Variants in PPP2R5E observed in about 807,000 individuals in gnomAD.
The protein encoded by PPP2R5E is protein phosphatase 2 regulatory subunit B'epsilon.
In PPP2R5E, 4 loss-of-function variants were observed where a neutral mutation model predicts 65.3. The ratio of observed to expected loss-of-function variants is 0.06; its 90% CI spans 0.03 to 0.14. PPP2R5E has a LOEUF of 0.14. Ranked by LOEUF, PPP2R5E falls within the 10% of genes least tolerant of loss-of-function variation. PPP2R5E has a pLI of 1.00. For missense variants in PPP2R5E, 274 were observed against 556.1 expected, an observed-to-expected ratio of 0.49 and a Z score of 5.10; for synonymous variants, 183 against 187.4, an observed-to-expected ratio of 0.98 and a Z score of 0.19.
At chr14:63,436,663 C>T (rs1887966470) in intron 3 of PPP2R5E, among the ~76,000 whole-genome samples, 1 of 152,210 alleles carries the variant, frequency 6.6e-6, no homozygotes, top group African/African-American at 2.4e-5. Flanking sequence ...TGATATGCCA[C>T]TCCAGGGGAA....
chr14:63,434,615 T>C (rs1367322089), intron 3 of PPP2R5E, among the ~76,000 whole-genome samples: 1 of 152,228 alleles, frequency 6.6e-6, no homozygotes, highest in African/African-American at 2.4e-5. Context: ...CCTTAATTTC[T>C]TTACTTCCAG....
chr14:63,429,755 C>T (rs1887527160), intron 3 of PPP2R5E, among the ~76,000 whole-genome samples: 1 of 151,932 alleles, frequency 6.6e-6, no homozygotes, highest in Non-Finnish European at 1.5e-5. Flanking sequence ...ACCATCTTGG[C>T]TCACTGCAAC....
chr14:63,505,672 CA>C (rs1327355224), intron 2 of PPP2R5E, among the ~76,000 whole-genome samples: 1 of 152,170 alleles, frequency 6.6e-6, no homozygotes, highest in African/African-American at 2.4e-5. Context: ...AATTGAAGAC[CA>C]ACAATCTGGA....
At chr14:63,405,718 G>C (rs1224896915) in intron 5 of PPP2R5E, among the ~76,000 whole-genome samples, 1 of 152,110 alleles carries the variant, frequency 6.6e-6, no homozygotes, top group Non-Finnish European at 1.5e-5. Flanking sequence ...ATTCATTTAG[G>C]TCTAAAGAAG....
chr14:63,497,716 C>T (rs1891643992), intron 2 of PPP2R5E, among the ~76,000 whole-genome samples: 1 of 151,900 alleles, frequency 6.6e-6, no homozygotes, highest in South Asian at 2.1e-4. Flanking sequence ...CCAGTGTGCT[C>T]CAGCCTGGGC....
At chr14:63,424,435 T>G (rs549504842) in intron 3 of PPP2R5E, among the ~76,000 whole-genome samples, 21 of 151,906 alleles carry the variant, frequency 1.4e-4, no homozygotes, top group Non-Finnish European at 2.2e-4. Flanking sequence ...AGGGATCACC[T>G]TGGAAAGGAG....
intron 5 of PPP2R5E, among the ~76,000 whole-genome samples, chr14:63,397,270 G>A (rs1885450324): frequency 6.6e-6 from 1 of 152,190 alleles, no homozygotes; most frequent in Non-Finnish European, 1.5e-5. Flanking sequence ...GGGAGGCCAA[G>A]GCAGGCGCAT....
At chr14:63,502,961 C>T (rs1221396141) in intron 2 of PPP2R5E, among the ~76,000 whole-genome samples, 2 of 152,148 alleles carry the variant, frequency 1.3e-5, no homozygotes, top group African/African-American at 4.8e-5. Flanking sequence ...GAAACCTCAT[C>T]TCAGAAACAA....
At chr14:63,456,160 T>G (rs879395706) in intron 2 of PPP2R5E, among the ~76,000 whole-genome samples, 2 of 152,244 alleles carry the variant, frequency 1.3e-5, no homozygotes, top group African/African-American at 4.8e-5. Flanking sequence ...TTTAATAAAG[T>G]CTAAAAATCA....
At chr14:63,411,462 T>C (rs1363439176) in intron 5 of PPP2R5E, among the ~76,000 whole-genome samples, 1 of 151,878 alleles carries the variant, frequency 6.6e-6, no homozygotes, top group African/African-American at 2.4e-5. Context: ...CATGGATATA[T>C]TGCATTGATA....
chr14:63,375,083 T>G lies in PPP2R5E; in HGVS notation c.*926A>C, dbSNP rs1054869094. 10 of 152,584 alleles carry G rather than the reference T, an allele frequency of 6.6e-5. No homozygotes were observed. The highest frequency in any genetic ancestry group is 1.2e-4 in the African/African-American group (5 of 41,426). The allele number at this position is 152,584 out of a possible 1,614,324, so 9.5% of individuals were successfully genotyped here. On this transcript the variant is annotated 3_prime_UTR_variant, in exon 14 of 14. Transcript: ENST00000337537. The stretch of plus-strand genomic sequence containing the variant: ...CTGTTTGCTCAACTCTTTTCCCAAT[T>G]AGATTTGCAATCCCGGTGATCAATT...
chr14:63,522,899 G>A (rs1253545859), intron 2 of PPP2R5E, among the ~76,000 whole-genome samples: 1 of 148,068 alleles, frequency 6.8e-6, no homozygotes, highest in African/African-American at 2.5e-5. Context: ...GCCCCGTCCG[G>A]GAGGGAGGTC....
rs147820728 is a variant in PPP2R5E at position 63,423,833 on chromosome 14, A to C, written c.355-1739T>G. Among the ~76,000 whole-genome samples, 12 of 152,348 alleles carry C rather than the reference A, an allele frequency of 7.9e-5. 1 individual carries two copies. Among genetic ancestry groups the C allele is most frequent in the Non-Finnish European group, 1.6e-4 (11 of 68,020 alleles). ...CAGATAAAAACCCATGCCCTCATGG[A>C]ACTTACTATATTCTAGTTAAAGCCA... On this transcript the variant is annotated intron_variant, in intron 3 of 13. Coordinates refer to ENST00000337537, the MANE Select transcript of PPP2R5E (RefSeq NM_006246.5).
chr14:63,468,772 T>G (rs1446633049), intron 2 of PPP2R5E, among the ~76,000 whole-genome samples: 2 of 152,208 alleles, frequency 1.3e-5, no homozygotes, highest in African/African-American at 4.8e-5. Context: ...ATATTAATAC[T>G]TATATATACT....
chr14:63,408,830 C>T (rs964775593), intron 5 of PPP2R5E, among the ~76,000 whole-genome samples: 2 of 152,192 alleles, frequency 1.3e-5, no homozygotes, highest in South Asian at 2.1e-4. Context: ...GGCACAGTGA[C>T]TCGCCTGTAT....
intron 2 of PPP2R5E, among the ~76,000 whole-genome samples, chr14:63,534,056 T>C (rs1255784): frequency 0.23 from 34,741 of 152,110 alleles, 5,478 homozygotes; most frequent in African/African-American, 0.45. Flanking sequence ...CTTACAGAAT[T>C]GCTTAAAGTC....
At chr14:63,512,755 C>T (rs901670204) in intron 2 of PPP2R5E, among the ~76,000 whole-genome samples, 3 of 152,136 alleles carry the variant, frequency 2.0e-5, no homozygotes, top group Middle Eastern at 3.4e-3. Context: ...TTAATTGTCA[C>T]ATACTGTAAT....
chr14:63,528,369 A>G (rs1442344172), intron 2 of PPP2R5E, among the ~76,000 whole-genome samples: 1 of 152,236 alleles, frequency 6.6e-6, no homozygotes, highest in Non-Finnish European at 1.5e-5. Flanking sequence ...GGCTATAATC[A>G]GTCCTCAAAT....
At chr14:63,488,869 T>A (rs1566739326) in intron 2 of PPP2R5E, among the ~76,000 whole-genome samples, 1 of 151,000 alleles carries the variant, frequency 6.6e-6, no homozygotes, top group Non-Finnish European at 1.5e-5. Flanking sequence ...ATTAATTTAA[T>A]TAAATATAAA....
Sources: allele counts gnomAD v4.1 joint callset (sites outside exome capture counted in the v4.1 genomes callset), GRCh38; gene constraint gnomAD v4.1.1; transcripts MANE v1.5; gene names NCBI Gene and HGNC (gene_info 2026-07-23, HGNC 2026-07-21).